SMIM22: variants seen among roughly 807,000 people sequenced by gnomAD.
The protein encoded by SMIM22 is small integral membrane protein 22, also known as cancer associated small integral membrane open reading frame 1.
In SMIM22, 16 loss-of-function variants were observed where a neutral mutation model predicts 8.4. The observed-to-expected ratio is 1.90, with a 90% CI of 1.29 to 2.89. The LOEUF (loss-of-function observed/expected upper bound fraction) is 2.89. Among genes scored for constraint, SMIM22 ranks in the 30% most tolerant of loss-of-function variants. The pLI is 0.00. For missense variants in SMIM22, 159 were observed against 107.5 expected, an observed-to-expected ratio of 1.48 and a Z score of -2.12; for synonymous variants, 67 against 47.6, an observed-to-expected ratio of 1.41 and a Z score of -1.68.
rs149654059 is a variant in SMIM22 at position 4,789,649 on chromosome 16, C to T, written c.-146+878C>T. ...CCCTTTTTAAAATTTTTTTGAGACA[C>T]GGTCTCACTATGTTGCCCATGCTGG... On this transcript the variant is annotated intron_variant, in intron 2 of 5. Transcript: ENST00000589327. Among the ~76,000 whole-genome samples, 670 of 152,110 alleles carry T rather than the reference C, an allele frequency of 4.4e-3. 2 individuals carry two copies. The highest frequency in any genetic ancestry group is 0.016 in the African/African-American group (651 of 41,518).
At chr16:4,790,196 G>A (rs899289088) in intron 2 of SMIM22, 4 of 152,168 alleles carry the variant, frequency 2.6e-5, no homozygotes, top group Non-Finnish European at 4.4e-5. Flanking sequence ...CACTCAGGCT[G>A]GCAAGTGTTT....
chr16:4,791,554 G>A (rs562867370), upstream of SMIM22, among the ~76,000 whole-genome samples: 16 of 152,264 alleles, frequency 1.1e-4, no homozygotes, highest in Admixed American at 3.3e-4. Context: ...CGTTACTCAA[G>A]CTCACACATT....
chr16:4,789,271 C>T (rs1177884968), intron 2 of SMIM22, among the ~76,000 whole-genome samples: 1 of 152,132 alleles, frequency 6.6e-6, no homozygotes, highest in African/African-American at 2.4e-5. Context: ...CCTGGTCTCC[C>T]AAAGTGTTGG....
chr16:4,795,338 T>G, upstream of SMIM22: 1 of 205,946 alleles, frequency 4.9e-6, no homozygotes, highest in South Asian at 7.3e-5. Flanking sequence ...CTGCTGGCCC[T>G]GGGGAGGGCG....
chr16:4,796,376 A>C lies in SMIM22; in HGVS notation c.*145A>C. 1.1e-6 allele frequency: 1 copy of C among 916,572 alleles called. No individual in the cohort carries two copies. Among genetic ancestry groups the C allele is most frequent in the Non-Finnish European group, 1.6e-6 (1 of 613,924 alleles). The allele number at this position is 916,572 out of a possible 1,614,324, so 56.8% of individuals were successfully genotyped here. ...GGCCACCTGGCCTCTCCAAGCCTTC[A>C]GTCAGCACGACTGTGCCAGGTCATC... On this transcript the variant is annotated 3_prime_UTR_variant, in exon 4 of 4. Coordinates refer to ENST00000586005, the MANE Select transcript of SMIM22 (RefSeq NM_001253794.2).
At chr16:4,794,699 C>T (rs190413584), upstream of SMIM22, among the ~76,000 whole-genome samples, 102 of 152,238 alleles carry the variant, frequency 6.7e-4, 2 homozygotes, top group East Asian at 0.016. Flanking sequence ...GGATTACAGG[C>T]GTGAGCCACT....
rs1402333177 is a variant in SMIM22, at chr16:4,796,021, A to AAGCCCCAGGAAGGTG, written c.205_219dup (p.Arg69_Pro73dup). 3 of 1,519,504 alleles carry AAGCCCCAGGAAGGTG rather than the reference A, an allele frequency of 2.0e-6. No homozygotes were observed. Among genetic ancestry groups the AAGCCCCAGGAAGGTG allele is most frequent in the Non-Finnish European group, 2.6e-6 (3 of 1,138,542 alleles). 94.1% of individuals were successfully genotyped at this position (1,519,504 alleles called of 1,614,324 possible). On this transcript the variant is annotated inframe_insertion, in exon 3 of 4. Coordinates refer to ENST00000586005, the MANE Select transcript of SMIM22 (RefSeq NM_001253794.2). ...GCAGCTCCCCCGGGCCCCGCAGGGA[A>AAGCCCCAGGAAGGTG]AGCCCCAGGAAGGTGAGCCCCTGGA... is the stretch of plus-strand genomic sequence containing the variant.
At chr16:4,794,169 G>A (rs1214274655), upstream of SMIM22, among the ~76,000 whole-genome samples, 3 of 152,050 alleles carry the variant, frequency 2.0e-5, no homozygotes, top group African/African-American at 7.2e-5. Context: ...GTGCAGTGGC[G>A]AGATCTCGGC....
At position 4,795,930 on chromosome 16, in the gene SMIM22, C is replaced by T. The variant is rs59758465; in HGVS notation, c.125-18C>T. 18 of 1,519,970 alleles carry T rather than the reference C, an allele frequency of 1.2e-5. No homozygotes were observed. The highest frequency in any genetic ancestry group is 4.9e-5 in the South Asian group (4 of 81,318). 94.2% of individuals were successfully genotyped at this position (1,519,970 alleles called of 1,614,324 possible). On this transcript the variant is annotated intron_variant, in intron 2 of 3. Coordinates refer to ENST00000586005, the MANE Select transcript of SMIM22 (RefSeq NM_001253794.2). ...GCTCCAGGTTGGGGCCACACCTGGA[C>T]GCCTGTCCTGTCCCCAGGCACCGTG...
At chr16:4,789,365 A>G (rs2082513006) in intron 2 of SMIM22, among the ~76,000 whole-genome samples, 1 of 141,352 alleles carries the variant, frequency 7.1e-6, no homozygotes, top group Non-Finnish European at 1.5e-5. Context: ...TCGCTCTGTC[A>G]CCCAGGCTGG....
At position 4,796,044 on chromosome 16, in the gene SMIM22, G is replaced by C. The variant is rs1279751332; in HGVS notation, c.221G>C (p.Trp74Ser). The C allele has an allele frequency of 6.5e-7, 1 of 1,530,432 alleles. No homozygotes were observed. Among genetic ancestry groups the C allele is most frequent in the East Asian group, 2.5e-5 (1 of 40,804 alleles). The allele number at this position is 1,530,432 out of a possible 1,614,324, so 94.8% of individuals were successfully genotyped here. ...RRESPRKVSP[W>S]KERPKGVDNL... ...GAAAGCCCCAGGAAGGTGAGCCCCT[G>C]GAAGGTGAGCCCTGCCGGCCTCTGG... The change falls in exon 3 of 4, where the codon TGG becomes TCG. Residue 74 changes from tryptophan (W) to serine (S), a missense_variant. Trp to Ser is a radical substitution (Grantham distance 177). Transcript: ENST00000586005.
Position 4,796,237 on chromosome 16 carries a change from T to C in SMIM22, c.*6T>C, listed in dbSNP as rs1476875728. 1.3e-6 allele frequency: 2 copies of C among 1,535,716 alleles called. No homozygotes were observed. Among genetic ancestry groups the C allele is most frequent in the African/African-American group, 1.4e-5 (1 of 73,138 alleles). The stretch of plus-strand genomic sequence containing the variant: ...ACTTGGCCCTGGAACCCTGACCCTG[T>C]GTCTCCTGCCCGGTGGCAGTAACAA... On this transcript the variant is annotated 3_prime_UTR_variant, in exon 4 of 4. Transcript: ENST00000586005.
At position 4,795,880 on chromosome 16, in the gene SMIM22, G is replaced by A. The variant is rs1382503463; in HGVS notation, c.124+22G>A. 2.0e-6 allele frequency: 3 copies of A among 1,534,970 alleles called. No individual in the cohort carries two copies. The African/African-American group carries it at 4.1e-5, about 21-fold the overall frequency. On this transcript the variant is annotated intron_variant, in intron 2 of 3. Transcript: ENST00000586005. ...ATGGGTAAGTGTGGCTGTGGCCTCTGGGTCCTCCCAGCCCCCTGCCCTGGG... is the reference window on the plus strand; with the variant it reads ...ATGGGTAAGTGTGGCTGTGGCCTCTAGGTCCTCCCAGCCCCCTGCCCTGGG...
upstream of SMIM22, among the ~76,000 whole-genome samples, chr16:4,791,071 G>C (rs895393083): frequency 1.3e-5 from 2 of 152,214 alleles, no homozygotes; most frequent in African/African-American, 4.8e-5. Context: ...ACGTACCTCT[G>C]GGGATGTCCC....
chr16:4,795,136 T>C (rs1018465010), upstream of SMIM22: 6 of 147,114 alleles, frequency 4.1e-5, no homozygotes, highest in African/African-American at 1.5e-4. Context: ...CTCTCTCTCT[T>C]TCATTCACGA....
At chr16:4,794,370 G>A (rs909116586), upstream of SMIM22, among the ~76,000 whole-genome samples, 5 of 151,094 alleles carry the variant, frequency 3.3e-5, no homozygotes, top group African/African-American at 1.2e-4. Flanking sequence ...GCCTCCCAAA[G>A]TGCTGGGATT....
intron 3 of SMIM22, 34 bp from the exon 4 acceptor site, chr16:4,796,156 G>A (rs955413006): frequency 3.3e-5 from 51 of 1,535,854 alleles, no homozygotes; most frequent in Non-Finnish European, 4.1e-5. Flanking sequence ...AACAACGAGC[G>A]AACCTGCTTG....
chr16:4,794,952 G>A (rs1004942349), upstream of SMIM22: 3 of 152,310 alleles, frequency 2.0e-5, no homozygotes, highest in African/African-American at 4.8e-5. Flanking sequence ...TTTATATCAG[G>A]GAGTTTATAG....
upstream of SMIM22, among the ~76,000 whole-genome samples, chr16:4,794,422 ATCT>A (rs2082600710): frequency 1.5e-5 from 2 of 130,752 alleles, no homozygotes; most frequent in Non-Finnish European, 3.2e-5. Flanking sequence ...TTGTATTTTT[ATCT>A]TTTTTTTTTT....
Sources: gnomAD v4.1 joint callset for allele counts (sites outside exome capture counted in the v4.1 genomes callset) on GRCh38, gnomAD v4.1.1 for gene constraint, MANE v1.5 for transcripts, NCBI Gene and HGNC (gene_info 2026-07-23, HGNC 2026-07-21) for gene names.